CFAP263: variants seen among roughly 807,000 people sequenced by gnomAD.
The protein encoded by CFAP263 is cilia- and flagella-associated protein 263.
the CFAP263 span, chr16:58,280,911 G>A: frequency 6.1e-6 from 4 of 658,512 alleles, no homozygotes; most frequent in Non-Finnish European, 9.9e-6. Flanking sequence ...AATCTAGGCA[G>A]CCACCACCAC....
the CFAP263 span, among the ~76,000 whole-genome samples, chr16:58,260,532 A>G: frequency 1.3e-5 from 2 of 152,192 alleles, no homozygotes; most frequent in African/African-American, 4.8e-5. Flanking sequence ...AAAGACCCTC[A>G]AGACATACTT....
the CFAP263 span, chr16:58,252,928 T>G: frequency 6.7e-7 from 1 of 1,486,610 alleles, no homozygotes; most frequent in Non-Finnish European, 9.3e-7. Flanking sequence ...TTATCTGCCT[T>G]TGGTGCGCCC....
chr16:58,262,901 A>C, the CFAP263 span, among the ~76,000 whole-genome samples: 6 of 152,162 alleles, frequency 3.9e-5, no homozygotes, highest in African/African-American at 1.4e-4. Context: ...TAATTCCCCA[A>C]GTGATTTTTA....
chr16:58,260,821 CA>C, the CFAP263 span, among the ~76,000 whole-genome samples: 1 of 152,138 alleles, frequency 6.6e-6, no homozygotes, highest in African/African-American at 2.4e-5. Flanking sequence ...AAGACCTCAC[CA>C]AGCTGGGACA....
chr16:58,282,552 C>A, the CFAP263 span: 1 of 152,398 alleles, frequency 6.6e-6, no homozygotes, highest in Non-Finnish European at 1.5e-5. Context: ...GGAGGCCATG[C>A]TGCAAAGCTG....
At chr16:58,256,532 G>A in the CFAP263 span, among the ~76,000 whole-genome samples, 4 of 152,164 alleles carry the variant, frequency 2.6e-5, no homozygotes, top group African/African-American at 7.2e-5. Context: ...TAGAGAAGAC[G>A]CTACTTTGGA....
the CFAP263 span, among the ~76,000 whole-genome samples, chr16:58,271,007 A>C: frequency 1.3e-5 from 2 of 152,170 alleles, no homozygotes; most frequent in Non-Finnish European, 2.9e-5. Flanking sequence ...CCCAAATACA[A>C]TTATATATGT....
At chr16:58,283,292 G>A in the CFAP263 span, 1 of 152,188 alleles carries the variant, frequency 6.6e-6, no homozygotes, top group Non-Finnish European at 1.5e-5. Flanking sequence ...AGGATTCTAT[G>A]GGGACGGGTC....
the CFAP263 span, among the ~76,000 whole-genome samples, chr16:58,275,177 A>G: frequency 6.6e-6 from 1 of 152,214 alleles, no homozygotes; most frequent in Non-Finnish European, 1.5e-5. Context: ...GGTTTGTTTT[A>G]TAGTGTATTG....
the CFAP263 span, among the ~76,000 whole-genome samples, chr16:58,252,237 T>C: frequency 1.3e-5 from 2 of 152,056 alleles, no homozygotes; most frequent in African/African-American, 2.4e-5. Context: ...AGGCATGGCA[T>C]TGTGCACCTG....
chr16:58,272,868 C>G, the CFAP263 span, among the ~76,000 whole-genome samples: 1 of 151,828 alleles, frequency 6.6e-6, no homozygotes, highest in Non-Finnish European at 1.5e-5. Flanking sequence ...CACCATTTCT[C>G]CAAGGAGGCT....
the CFAP263 span, among the ~76,000 whole-genome samples, chr16:58,257,607 T>A: frequency 6.6e-6 from 1 of 151,822 alleles, no homozygotes; most frequent in South Asian, 2.1e-4. Context: ...ATATCTTCTT[T>A]ATTTTTTTTT....
At chr16:58,280,904 C>G in the CFAP263 span, 18 of 706,708 alleles carry the variant, frequency 2.5e-5, no homozygotes, top group African/African-American at 7.1e-5. Flanking sequence ...AATTTCAAAT[C>G]TAGGCAGCCA....
chr16:58,278,482 G>C, the CFAP263 span: 1 of 1,613,876 alleles, frequency 6.2e-7, no homozygotes, highest in Admixed American at 1.7e-5. Flanking sequence ...CCCAACCCAG[G>C]ACCGGGCCAA....
At chr16:58,263,074 A>G in the CFAP263 span, among the ~76,000 whole-genome samples, 1 of 152,166 alleles carries the variant, frequency 6.6e-6, no homozygotes, top group Non-Finnish European at 1.5e-5. Flanking sequence ...TTTGGGAGGG[A>G]AAAGAGGCAC....
the CFAP263 span, chr16:58,279,683 T>G: frequency 1.3e-6 from 2 of 1,579,826 alleles, no homozygotes; most frequent in African/African-American, 2.8e-5. Context: ...TCTTTTTTTT[T>G]TTTGCAGATG....
chr16:58,280,751 G>C, the CFAP263 span: 12 of 1,600,236 alleles, frequency 7.5e-6, no homozygotes, highest in Non-Finnish European at 1.0e-5. Flanking sequence ...GGGCTTCCTG[G>C]GTCCCCCTGT....
chr16:58,279,482 T>C, the CFAP263 span, among the ~76,000 whole-genome samples: 1 of 152,160 alleles, frequency 6.6e-6, no homozygotes, highest in Non-Finnish European at 1.5e-5. Context: ...ACATGCTCTA[T>C]AGAAAAATCT....
At chr16:58,275,594 G>C in the CFAP263 span, among the ~76,000 whole-genome samples, 3 of 152,148 alleles carry the variant, frequency 2.0e-5, no homozygotes, top group Non-Finnish European at 4.4e-5. Context: ...ACACGCTCAG[G>C]AATAGGCTGG....
Sources: allele counts gnomAD v4.1 joint callset (sites outside exome capture counted in the v4.1 genomes callset), GRCh38; gene constraint gnomAD v4.1.1; transcripts MANE v1.5; gene names NCBI Gene and HGNC (gene_info 2026-07-23, HGNC 2026-07-21).